The following UBAC2 variants were observed in gnomAD, a reference collection of about 807,000 sequenced individuals.
UBAC2 encodes the protein UBA domain containing 2, also known as ubiquitin-associated domain-containing protein 2.
UBAC2 carries 26 observed loss-of-function variants against 44.0 expected under a neutral mutation model. The ratio of observed to expected loss-of-function variants is 0.59; its 90% CI spans 0.43 to 0.82. UBAC2 has a LOEUF of 0.82. UBAC2 is among the 40% of genes least tolerant of loss of function. The pLI, the probability that UBAC2 is intolerant of heterozygous loss-of-function variation, is 0.00. For missense variants in UBAC2, 329 were observed against 419.4 expected (o/e 0.78, Z 1.88); for synonymous variants, 155 against 154.3 (o/e 1.00, Z -0.04).
intron 4 of UBAC2, chr13:99,255,909 G>A: frequency 6.8e-7 from 1 of 1,467,976 alleles, no homozygotes; most frequent in Non-Finnish European, 9.1e-7. Context: ...CTTAGAAACT[G>A]TAAAAATAGT....
chr13:99,312,071 T>G (rs933337169), intron 4 of UBAC2, among the ~76,000 whole-genome samples: 1 of 152,262 alleles, frequency 6.6e-6, no homozygotes, highest in Non-Finnish European at 1.5e-5. Context: ...GCGTTTGTGT[T>G]GATAGCAGTT....
chr13:99,319,777 A>C (rs2044544380), intron 6 of UBAC2, among the ~76,000 whole-genome samples: 1 of 152,194 alleles, frequency 6.6e-6, no homozygotes, highest in Non-Finnish European at 1.5e-5. Flanking sequence ...ATTCTCTGGG[A>C]CACAGGTGCC....
At chr13:99,233,965 A>G (rs762946306) in intron 1 of UBAC2, among the ~76,000 whole-genome samples, 1 of 151,928 alleles carries the variant, frequency 6.6e-6, no homozygotes, top group African/African-American at 2.4e-5. Flanking sequence ...TTACAGGGTT[A>G]TTATTTTATT....
intron 1 of UBAC2, among the ~76,000 whole-genome samples, chr13:99,232,052 T>C (rs1400406684): frequency 6.6e-6 from 1 of 152,206 alleles, no homozygotes; most frequent in Non-Finnish European, 1.5e-5. Context: ...TTTTGTACCA[T>C]GTCTACATGT....
chr13:99,303,119 A>G (rs1459198162), intron 4 of UBAC2, among the ~76,000 whole-genome samples: 1 of 152,192 alleles, frequency 6.6e-6, no homozygotes, highest in Non-Finnish European at 1.5e-5. Flanking sequence ...ACCCCATTGC[A>G]TATCCTGGGT....
chr13:99,283,625 G>A (rs1341041673), intron 4 of UBAC2, among the ~76,000 whole-genome samples: 1 of 149,618 alleles, frequency 6.7e-6, no homozygotes, highest in Non-Finnish European at 1.5e-5. Context: ...GAGTCACTAA[G>A]TGACGGCTAC....
Position 99,385,375 on chromosome 13 carries a change from T to A in UBAC2, c.*40T>A, listed in dbSNP as rs746146526. 1.3e-6 allele frequency: 2 copies of A among 1,510,646 alleles called. No homozygotes were observed. Among genetic ancestry groups the A allele is most frequent in the South Asian group, 2.2e-5 (2 of 88,932 alleles). The allele number at this position is 1,510,646 out of a possible 1,614,324, so 93.6% of individuals were successfully genotyped here. On this transcript the variant is annotated 3_prime_UTR_variant, in exon 9 of 9. Coordinates refer to ENST00000403766, the MANE Select transcript of UBAC2 (RefSeq NM_001144072.2). Reference sequence around the variant, plus strand: ...CACTGGGACCGGACCGGCAGCCGAGTGACAGTGCGTGGTCCCCACCATCAG... The same window carrying A: ...CACTGGGACCGGACCGGCAGCCGAGAGACAGTGCGTGGTCCCCACCATCAG...
Position 99,217,884 on chromosome 13 carries a change from C to T in UBAC2, c.31+16945C>T, listed in dbSNP as rs374082786. 1.8e-4 allele frequency among the ~76,000 whole-genome samples: 28 copies of T among 152,244 alleles called. No individual in the cohort carries two copies. The East Asian group carries it at 3.1e-3, about 17-fold the overall frequency. ...GAGCTCGTGCCCACCTTCTTGCCAT[C>T]GACTCCCCCATTTCACTGCCTGCCT... On this transcript the variant is annotated intron_variant, in intron 1 of 8. Coordinates refer to ENST00000403766, the MANE Select transcript of UBAC2 (RefSeq NM_001144072.2).
At chr13:99,303,132 GA>G (rs1357808285) in intron 4 of UBAC2, among the ~76,000 whole-genome samples, 1 of 152,172 alleles carries the variant, frequency 6.6e-6, no homozygotes, top group Non-Finnish European at 1.5e-5. Flanking sequence ...TCCTGGGTCA[GA>G]CCAGCTCCCA....
At chr13:99,326,487 G>C (rs920608991) in intron 6 of UBAC2, among the ~76,000 whole-genome samples, 2 of 152,078 alleles carry the variant, frequency 1.3e-5, no homozygotes, top group Non-Finnish European at 2.9e-5. Flanking sequence ...ATGTCTACTT[G>C]ATACACATTC....
In UBAC2 at chr13:99,295,396, A is replaced by G. The variant is rs1215959843; in HGVS notation, c.390-18701A>G. On this transcript the variant is annotated intron_variant, in intron 4 of 8. Transcript: ENST00000403766. The surrounding 1 kb of genome is among the most constrained non-coding windows in gnomAD (Gnocchi z 4.1). ...GTGTGAAACAGAGAACAAACACAAC[A>G]ATAATAAGAATAATTGTGTTGAGAG... The G allele has an allele frequency of 6.2e-7, 1 of 1,614,114 alleles. No homozygotes were observed. The highest frequency in any genetic ancestry group is 8.5e-7 in the Non-Finnish European group (1 of 1,179,998).
At chr13:99,368,040 A>G (rs1213931917) in intron 8 of UBAC2, 134 bp downstream of exon 8, 4 of 1,135,802 alleles carry the variant, frequency 3.5e-6, no homozygotes, top group Admixed American at 2.8e-5. Context: ...TGCCACCATG[A>G]TAGAGACTTT....
At chr13:99,346,499 A>G (rs907829785) in intron 7 of UBAC2, among the ~76,000 whole-genome samples, 1 of 152,210 alleles carries the variant, frequency 6.6e-6, no homozygotes, top group East Asian at 1.9e-4. Context: ...TAGGCCAGCC[A>G]TGCCTCACCG....
At chr13:99,211,714 T>G (rs2142656227) in intron 1 of UBAC2, among the ~76,000 whole-genome samples, 1 of 152,362 alleles carries the variant, frequency 6.6e-6, no homozygotes, top group Admixed American at 6.5e-5. Context: ...TGGCTGCCTG[T>G]TCTGTGTTGC....
chr13:99,254,330 C>T (rs544488240), intron 4 of UBAC2, among the ~76,000 whole-genome samples: 57 of 152,266 alleles, frequency 3.7e-4, no homozygotes, highest in Admixed American at 2.7e-3. Flanking sequence ...TGACTATTCT[C>T]TGTTTTTAAA....
At chr13:99,201,651 G>T in intron 1 of UBAC2, 1 of 1,455,372 alleles carries the variant, frequency 6.9e-7, no homozygotes, top group Non-Finnish European at 9.4e-7. Flanking sequence ...GGTAGACTGC[G>T]TGTTAACAGT....
intron 4 of UBAC2, chr13:99,294,927 A>T (rs2044144927): frequency 7.4e-6 from 7 of 947,286 alleles, no homozygotes; most frequent in Non-Finnish European, 7.8e-6. Context: ...CGAGTTGGAG[A>T]TGGGAAAGTG....
chr13:99,356,698 T>C (rs1594165530), intron 7 of UBAC2, among the ~76,000 whole-genome samples: 1 of 152,236 alleles, frequency 6.6e-6, no homozygotes, highest in Non-Finnish European at 1.5e-5. Context: ...ACTGTTTTTA[T>C]AGCACGACAC....
intron 4 of UBAC2, among the ~76,000 whole-genome samples, chr13:99,276,947 A>G (rs2043891343): frequency 6.6e-6 from 1 of 152,130 alleles, no homozygotes. Flanking sequence ...TCCTCTTAGC[A>G]CTTCTGGAAA....
Sources: allele counts gnomAD v4.1 joint callset (sites outside exome capture counted in the v4.1 genomes callset), GRCh38; gene constraint gnomAD v4.1.1; non-coding constraint Gnocchi (gnomAD v3.1); transcripts MANE v1.5; gene names NCBI Gene and HGNC (gene_info 2026-07-23, HGNC 2026-07-21).